The following TXNDC9 variants were observed in gnomAD, a reference collection of about 807,000 sequenced individuals.
The protein encoded by TXNDC9 is thioredoxin domain-containing protein 9.
A neutral mutation model predicts 23.0 loss-of-function variants in TXNDC9; 7 were observed. The observed-to-expected ratio is 0.30, with a 90% CI of 0.17 to 0.57. The LOEUF is 0.57. TXNDC9 is among the 20% of genes least tolerant of loss of function. The pLI, the probability that TXNDC9 is intolerant of heterozygous loss-of-function variation, is 0.90. For synonymous variants in TXNDC9, 72 were observed against 90.6 expected (o/e 0.79, Z 1.17); for missense variants, 198 against 252.6 (o/e 0.78, Z 1.47).
chr2:99,315,375 T>C (rs1329389834), downstream of TXNDC9, among the ~76,000 whole-genome samples: 2 of 152,180 alleles, frequency 1.3e-5, no homozygotes, highest in Non-Finnish European at 2.9e-5. Flanking sequence ...CCTTTACTCA[T>C]TTTTTAAATT....
downstream of TXNDC9, among the ~76,000 whole-genome samples, chr2:99,314,106 C>T (rs56364129): frequency 2.2e-4 from 34 of 152,180 alleles, no homozygotes; most frequent in Admixed American, 7.2e-4. Flanking sequence ...GATTGCTCTG[C>T]GGAATTTCTC....
chr2:99,320,177 T>A (rs1229534576), intron 4 of TXNDC9, among the ~76,000 whole-genome samples: 1 of 152,090 alleles, frequency 6.6e-6, no homozygotes, highest in Non-Finnish European at 1.5e-5. Flanking sequence ...TCAGTTAATT[T>A]TTACATTTTT....
chr2:99,307,766 A>G, the TXNDC9 span, among the ~76,000 whole-genome samples: 2 of 139,160 alleles, frequency 1.4e-5, no homozygotes, highest in Non-Finnish European at 3.1e-5. Flanking sequence ...AATGGGAGAA[A>G]AGAAATGTGT....
chr2:99,317,841 G>A (rs1310339025), downstream of TXNDC9, among the ~76,000 whole-genome samples: 1 of 151,962 alleles, frequency 6.6e-6, no homozygotes, highest in Non-Finnish European at 1.5e-5. Context: ...GTTAAATTCA[G>A]GCCCCTGTAG....
intron 4 of TXNDC9, among the ~76,000 whole-genome samples, chr2:99,320,895 G>A (rs1430210781): frequency 6.6e-6 from 1 of 152,024 alleles, no homozygotes; most frequent in Non-Finnish European, 1.5e-5. Context: ...GTCTGCAGGG[G>A]GTTGTTTCTA....
intron 1 of TXNDC9, among the ~76,000 whole-genome samples, chr2:99,335,228 C>T (rs549600292): frequency 1.7e-3 from 266 of 152,318 alleles, no homozygotes; most frequent in Middle Eastern, 0.01. Flanking sequence ...ACTGTGAATT[C>T]ATTCACTCAG....
chr2:99,329,292 C>T (rs2094219756), intron 2 of TXNDC9, among the ~76,000 whole-genome samples: 1 of 152,196 alleles, frequency 6.6e-6, no homozygotes, highest in Non-Finnish European at 1.5e-5. Context: ...TGAACACTTC[C>T]AGTTCCTTTT....
intron 2 of TXNDC9, among the ~76,000 whole-genome samples, chr2:99,330,888 A>G (rs1284833123): frequency 6.6e-6 from 1 of 152,262 alleles, no homozygotes; most frequent in East Asian, 1.9e-4. Context: ...TTTTAATAAA[A>G]GACCTACTAA....
the TXNDC9 span, among the ~76,000 whole-genome samples, chr2:99,313,363 C>A: frequency 6.6e-6 from 1 of 152,130 alleles, no homozygotes; most frequent in South Asian, 2.1e-4. Context: ...CATGCCTGGC[C>A]TAATCCAGTC....
the TXNDC9 span, among the ~76,000 whole-genome samples, chr2:99,309,247 A>G: frequency 1.5e-3 from 229 of 151,736 alleles, 3 homozygotes; most frequent in Non-Finnish European, 5.9e-4. Context: ...GTGGCACACG[A>G]TTGTAATCCC....
At chr2:99,308,861 G>A in the TXNDC9 span, among the ~76,000 whole-genome samples, 4 of 151,716 alleles carry the variant, frequency 2.6e-5, no homozygotes, top group South Asian at 2.1e-4. Flanking sequence ...ACAGGTGCTC[G>A]CCACCACGCC....
At chr2:99,322,538 G>A (rs969838153) in intron 3 of TXNDC9, 26 of 1,484,480 alleles carry the variant, frequency 1.8e-5, no homozygotes, top group Non-Finnish European at 1.9e-5. Flanking sequence ...ACTGAAACTT[G>A]ACAAAACTCG....
downstream of TXNDC9, among the ~76,000 whole-genome samples, chr2:99,314,793 T>G (rs570244618): frequency 6.6e-6 from 1 of 152,058 alleles, no homozygotes; most frequent in Non-Finnish European, 1.5e-5. Context: ...TCATTGTGGT[T>G]TGGATTTACA....
intron 1 of TXNDC9, 94 bp from the exon 2 acceptor site, chr2:99,333,336 G>A: frequency 9.9e-7 from 1 of 1,009,976 alleles, no homozygotes; most frequent in Non-Finnish European, 1.4e-6. Context: ...AGTGTATAAT[G>A]TGTACTCTAT....
At chr2:99,323,877 ACT>A (rs2094207830) in intron 3 of TXNDC9, among the ~76,000 whole-genome samples, 1 of 151,648 alleles carries the variant, frequency 6.6e-6, no homozygotes, top group Non-Finnish European at 1.5e-5. Context: ...TTGGACTCTC[ACT>A]CTGTCACCCA....
intron 2 of TXNDC9, among the ~76,000 whole-genome samples, chr2:99,330,877 AT>A (rs1330893333): frequency 6.6e-6 from 1 of 152,234 alleles, no homozygotes; most frequent in Non-Finnish European, 1.5e-5. Context: ...TCCAGAAAAT[AT>A]TTTAATAAAA....
At chr2:99,320,756 T>C (rs1303246281) in intron 4 of TXNDC9, among the ~76,000 whole-genome samples, 1 of 152,224 alleles carries the variant, frequency 6.6e-6, no homozygotes, top group African/African-American at 2.4e-5. Context: ...AGGGACACTG[T>C]ATTCACAATT....
At chr2:99,326,609 T>A (rs1210636515) in intron 3 of TXNDC9, among the ~76,000 whole-genome samples, 4 of 152,228 alleles carry the variant, frequency 2.6e-5, no homozygotes, top group Non-Finnish European at 4.4e-5. Flanking sequence ...AAGGCTTGGG[T>A]CCTTTGGTTT....
At chr2:99,313,166 AAAAC>A in the TXNDC9 span, among the ~76,000 whole-genome samples, 23 of 152,228 alleles carry the variant, frequency 1.5e-4, no homozygotes, top group Admixed American at 2.6e-4. Flanking sequence ...CTGTCTCAAA[AAAAC>A]AAACAAAAAC....
Sources: allele counts gnomAD v4.1 joint callset (sites outside exome capture counted in the v4.1 genomes callset), GRCh38; gene constraint gnomAD v4.1.1; transcripts MANE v1.5; gene names NCBI Gene and HGNC (gene_info 2026-07-23, HGNC 2026-07-21).